The following PCDHGA3 variants were observed in gnomAD, a reference collection of about 807,000 sequenced individuals.
The protein encoded by PCDHGA3 is protocadherin gamma-A3.
A neutral mutation model predicts 58.5 loss-of-function variants in PCDHGA3; 40 were observed. The ratio of observed to expected loss-of-function variants is 0.68; its 90% CI spans 0.53 to 0.89. PCDHGA3 has a LOEUF of 0.89. Among genes scored for constraint, PCDHGA3 ranks in the 40% least tolerant of loss-of-function variants. The pLI, the probability that PCDHGA3 is intolerant of heterozygous loss-of-function variation, is 0.00. For missense variants in PCDHGA3, 1,223 were observed against 1,195.9 expected (o/e 1.02, Z -0.33); for synonymous variants, 530 against 525.7 (o/e 1.01, Z -0.11).
chr5:141,421,953 G>A lies in PCDHGA3; in HGVS notation c.2425-72854G>A, dbSNP rs193141134. On this transcript the variant is annotated intron_variant, in intron 1 of 3. Coordinates refer to ENST00000253812, the MANE Select transcript of PCDHGA3 (RefSeq NM_018916.4). ...TCGATGTAAATGATCACATCCCAATGTTTACACAGTCCGTATATCGCGTGA... is the reference window on the plus strand; with the variant it reads ...TCGATGTAAATGATCACATCCCAATATTTACACAGTCCGTATATCGCGTGA... 1.8e-4 allele frequency: 295 copies of A among 1,612,962 alleles called. 5 individuals are homozygous for A. In the East Asian group the frequency reaches 4.0e-3, roughly 22 times the overall value.
chr5:141,345,365 C>G lies in PCDHGA3; in HGVS notation c.1332C>G (p.Asp444Glu). ...TETHITLHVI[D>E]INDNPPTFPH... ...CTCACATCACCCTGCATGTGATTGACATCAATGACAACCCACCCACCTTCC... is the reference window on the plus strand; with the variant it reads ...CTCACATCACCCTGCATGTGATTGAGATCAATGACAACCCACCCACCTTCC... Residue 444 changes from aspartate (D) to glutamate (E), a missense_variant, in exon 1 of 4, where the codon GAC (aspartate) becomes GAG (glutamate). By Grantham distance (45) the Asp-to-Glu change is conservative. Coordinates refer to ENST00000253812, the MANE Select transcript of PCDHGA3 (RefSeq NM_018916.4). The G allele has an allele frequency of 6.2e-7, 1 of 1,614,166 alleles. No homozygotes were observed. Among genetic ancestry groups the G allele is most frequent in the Non-Finnish European group, 8.5e-7 (1 of 1,180,018 alleles).
In PCDHGA3 at chr5:141,351,569, C is replaced by A. The variant is rs191804700; in HGVS notation, c.2424+5112C>A. 3.1e-6 allele frequency: 5 copies of A among 1,614,062 alleles called. No individual in the cohort carries two copies. The East Asian group carries it at 1.1e-4, about 36-fold the overall frequency. ...TTCCTCCAGGACAAGCATCACCCTG[C>A]ACATCTCCGACATCAACGACAATGC... is the stretch of plus-strand genomic sequence containing the variant. On this transcript the variant is annotated intron_variant, in intron 1 of 3. Transcript: ENST00000253812.
intron 1 of PCDHGA3, among the ~76,000 whole-genome samples, chr5:141,456,940 G>A (rs1284610928): frequency 6.6e-6 from 1 of 152,138 alleles, no homozygotes; most frequent in Non-Finnish European, 1.5e-5. Context: ...TCCAGCCTGG[G>A]CAACAGAGCA....
At chr5:141,488,599 C>T (rs1017044328) in intron 1 of PCDHGA3, among the ~76,000 whole-genome samples, 1 of 152,152 alleles carries the variant, frequency 6.6e-6, no homozygotes, top group Non-Finnish European at 1.5e-5. Flanking sequence ...CAAGACTTTA[C>T]AAGGTTCTTA....
At position 141,477,758 on chromosome 5, in the gene PCDHGA3, G is replaced by A; in HGVS notation, c.2425-17049G>A. 2 of 1,613,924 alleles carry A rather than the reference G, an allele frequency of 1.2e-6. No homozygotes were observed. The highest frequency in any genetic ancestry group is 1.7e-5 in the Admixed American group (1 of 60,022). On this transcript the variant is annotated intron_variant, in intron 1 of 3. Transcript: ENST00000253812. The surrounding 1 kb of genome is among the most constrained non-coding windows in gnomAD (Gnocchi z 4.9). ...CAGCGATGGGGGCACCCCGGTCCTA[G>A]CCACCAACATCAGCGTGAACATATT...
At chr5:141,500,782 T>G (rs2099802612) in intron 2 of PCDHGA3, among the ~76,000 whole-genome samples, 2 of 152,222 alleles carry the variant, frequency 1.3e-5, no homozygotes, top group Admixed American at 1.3e-4. Context: ...ATATACATAT[T>G]ATTTTACAGA....
intron 1 of PCDHGA3, chr5:141,354,991 A>T: frequency 1.6e-6 from 1 of 634,544 alleles, no homozygotes; most frequent in Non-Finnish European, 2.4e-6. Flanking sequence ...TTCACCAATC[A>T]GGGGGAAAAG....
At chr5:141,401,033 C>T (rs1437899833) in intron 1 of PCDHGA3, among the ~76,000 whole-genome samples, 1 of 152,016 alleles carries the variant, frequency 6.6e-6, no homozygotes, top group Non-Finnish European at 1.5e-5. Context: ...TTTGAATCTC[C>T]TAAAATTTTA....
chr5:141,404,180 C>A (rs774534952), intron 1 of PCDHGA3: 10 of 1,613,196 alleles, frequency 6.2e-6, no homozygotes, highest in Non-Finnish European at 8.5e-6. Flanking sequence ...GGCCCAAATT[C>A]TTGACCGAGA....
Position 141,490,916 on chromosome 5 carries a change from A to C in PCDHGA3, c.2425-3891A>C. 1 of 1,613,724 alleles carries C rather than the reference A, an allele frequency of 6.2e-7. No homozygotes were observed. Among genetic ancestry groups the C allele is most frequent in the Non-Finnish European group, 8.5e-7 (1 of 1,179,736 alleles). ...CATGTGTTTGTCCTAGACGAGAATG[A>C]TAATGCCCCAGCTGTGCTGCACCCA... is the stretch of plus-strand genomic sequence containing the variant. On this transcript the variant is annotated intron_variant, in intron 1 of 3. Transcript: ENST00000253812. This position sits in a 1 kb window ranked among gnomAD's most constrained non-coding sequence, Gnocchi z 5.4.
Position 141,345,913 on chromosome 5 carries a change from G to T in PCDHGA3, c.1880G>T (p.Arg627Leu), listed in dbSNP as rs771512073. The change falls in exon 1 of 4, where the codon CGC becomes CTC. Residue 627 changes from arginine (R) to leucine (L), a missense_variant. By Grantham distance (102) the Arg-to-Leu change is moderately radical. Coordinates refer to ENST00000253812, the MANE Select transcript of PCDHGA3 (RefSeq NM_018916.4). ...FSVGLHTGEV[R>L]TARALLDRDA... ...GTGGGTCTGCACACGGGCGAGGTGC[G>T]CACGGCGCGAGCCCTGCTGGACAGA... 6.2e-7 allele frequency: 1 copy of T among 1,613,122 alleles called. No individual in the cohort carries two copies. The highest frequency in any genetic ancestry group is 8.5e-7 in the Non-Finnish European group (1 of 1,179,814).
At position 141,490,258 on chromosome 5, in the gene PCDHGA3, G is replaced by A. The variant is rs776865457; in HGVS notation, c.2425-4549G>A. Reference sequence around the variant, plus strand: ...GGGCCACTGTGTGATTCAAGTGGATGTGGGGGATGTCAATGACAATGCCCC... The same window carrying A: ...GGGCCACTGTGTGATTCAAGTGGATATGGGGGATGTCAATGACAATGCCCC... On this transcript the variant is annotated intron_variant, in intron 1 of 3. Transcript: ENST00000253812. The surrounding 1 kb of genome is among the most constrained non-coding windows in gnomAD (Gnocchi z 5.4). 6.2e-7 allele frequency: 1 copy of A among 1,614,136 alleles called. No homozygotes were observed.
chr5:141,423,626 T>C (rs745796529), intron 1 of PCDHGA3: 1 of 1,606,498 alleles, frequency 6.2e-7, no homozygotes, highest in South Asian at 1.1e-5. Context: ...GACTCAGCTA[T>C]CATTTTAGGC....
At chr5:141,385,479 T>A in intron 1 of PCDHGA3, 6 of 1,429,214 alleles carry the variant, frequency 4.2e-6, no homozygotes, top group Non-Finnish European at 5.5e-6. Flanking sequence ...CACTTTAATA[T>A]AGAACACATA....
intron 3 of PCDHGA3, among the ~76,000 whole-genome samples, chr5:141,510,657 G>A (rs1388054630): frequency 6.6e-6 from 1 of 152,156 alleles, no homozygotes; most frequent in Non-Finnish European, 1.5e-5. Context: ...CCATTTTGCA[G>A]ATGAGAAAAC....
In PCDHGA3 at chr5:141,487,153, T is replaced by C; in HGVS notation, c.2425-7654T>C. The stretch of plus-strand genomic sequence containing the variant: ...GTCCACCACTCTCTACCTCTGTTAC[T>C]CTCTTAGTGTCCTTAGAGGAAGACA... On this transcript the variant is annotated intron_variant, in intron 1 of 3. Coordinates refer to ENST00000253812, the MANE Select transcript of PCDHGA3 (RefSeq NM_018916.4). This position sits in a 1 kb window ranked among gnomAD's most constrained non-coding sequence, Gnocchi z 5.0. 3 of 1,613,954 alleles carry C rather than the reference T, an allele frequency of 1.9e-6. No individual in the cohort carries two copies. Among genetic ancestry groups the C allele is most frequent in the Non-Finnish European group, 2.5e-6 (3 of 1,179,838 alleles).
At chr5:141,455,552 G>T (rs897699654) in intron 1 of PCDHGA3, among the ~76,000 whole-genome samples, 1 of 152,144 alleles carries the variant, frequency 6.6e-6, no homozygotes, top group African/African-American at 2.4e-5. Flanking sequence ...CGTAGCCCGA[G>T]AAAAAGCTGG....
intron 1 of PCDHGA3, among the ~76,000 whole-genome samples, chr5:141,368,072 C>G (rs1432840614): frequency 6.6e-6 from 1 of 152,176 alleles, no homozygotes; most frequent in Non-Finnish European, 1.5e-5. Context: ...TATTTCCCTT[C>G]TGCATCTGAT....
chr5:141,444,325 C>G (rs2098432231), intron 1 of PCDHGA3, among the ~76,000 whole-genome samples: 1 of 151,840 alleles, frequency 6.6e-6, no homozygotes, highest in Non-Finnish European at 1.5e-5. Flanking sequence ...GCATGTGCCA[C>G]CACGCCCAGC....
Sources: gnomAD v4.1 joint callset for allele counts (sites outside exome capture counted in the v4.1 genomes callset) on GRCh38, gnomAD v4.1.1 for gene constraint, Gnocchi (gnomAD v3.1) non-coding constraint, MANE v1.5 for transcripts, NCBI Gene and HGNC (gene_info 2026-07-23, HGNC 2026-07-21) for gene names.